Variants in SNX10 observed in about 807,000 individuals in gnomAD.
SNX10 encodes the protein sorting nexin-10.
A neutral mutation model predicts 28.5 loss-of-function variants in SNX10; 25 were observed. The observed-to-expected ratio is 0.88, with a 90% confidence interval of 0.64 to 1.22. SNX10 has a LOEUF of 1.22. Among genes scored for constraint, SNX10 ranks in the 50% most tolerant of loss-of-function variants. The probability of loss-of-function intolerance (pLI) is 0.00; values close to 1 mark genes in which losing one functional copy is unlikely to be tolerated. For missense variants in SNX10, 223 were observed against 242.6 expected (o/e 0.92, Z 0.54); for synonymous variants, 62 against 81.4 (o/e 0.76, Z 1.28).
chr7:26,322,632 C>T (rs10252003), intron 1 of SNX10, among the ~76,000 whole-genome samples: 2,993 of 152,206 alleles, frequency 0.02, 53 homozygotes, highest in African/African-American at 0.048. Context: ...TGCTTATTGG[C>T]GTTGATGTTG....
chr7:26,312,561 G>A (rs960908873), intron 1 of SNX10, among the ~76,000 whole-genome samples: 5 of 152,254 alleles, frequency 3.3e-5, no homozygotes, highest in African/African-American at 9.6e-5. Context: ...CGAGGCTGTC[G>A]GATCACAAGG....
At chr7:26,339,504 T>G (rs1788089399) in intron 1 of SNX10, among the ~76,000 whole-genome samples, 1 of 151,590 alleles carries the variant, frequency 6.6e-6, no homozygotes, top group Non-Finnish European at 1.5e-5. Context: ...TTTTCTTTGT[T>G]TTTGTTTGTT....
intron 1 of SNX10, among the ~76,000 whole-genome samples, chr7:26,313,619 T>TA (rs930806129): frequency 2.0e-5 from 3 of 152,262 alleles, no homozygotes; most frequent in African/African-American, 7.2e-5. Context: ...TGAGTGTGGC[T>TA]AAAGTCTGTC....
At chr7:26,296,225 T>A (rs1227014309) in intron 1 of SNX10, among the ~76,000 whole-genome samples, 1 of 152,168 alleles carries the variant, frequency 6.6e-6, no homozygotes, top group East Asian at 1.9e-4. Flanking sequence ...GTAAGCCATC[T>A]CCTGGCTGAA....
intron 3 of SNX10, among the ~76,000 whole-genome samples, chr7:26,361,923 G>A (rs1789088758): frequency 6.6e-6 from 1 of 152,192 alleles, no homozygotes; most frequent in Non-Finnish European, 1.5e-5. Flanking sequence ...AACTAAATTA[G>A]TTCAACTGGG....
chr7:26,313,678 A>T (rs1252496621), intron 1 of SNX10, among the ~76,000 whole-genome samples: 2 of 152,016 alleles, frequency 1.3e-5, no homozygotes, highest in Non-Finnish European at 2.9e-5. Context: ...GTTTGTCCCC[A>T]CATTCTCTCT....
intron 1 of SNX10, among the ~76,000 whole-genome samples, chr7:26,323,482 A>G (rs911500387): frequency 6.6e-6 from 1 of 151,994 alleles, no homozygotes; most frequent in Non-Finnish European, 1.5e-5. Flanking sequence ...CTCTTTATAT[A>G]AAAAGGGACA....
Position 26,302,079 on chromosome 7 carries a change from A to G in SNX10, c.-24+9993A>G, listed in dbSNP as rs372187522. Among the ~76,000 whole-genome samples, 4 of 152,232 alleles carry G rather than the reference A, an allele frequency of 2.6e-5. No homozygotes were observed. The East Asian group carries it at 7.7e-4, about 29-fold the overall frequency. On this transcript the variant is annotated intron_variant, in intron 1 of 6. Coordinates refer to ENST00000338523, the MANE Select transcript of SNX10 (RefSeq NM_013322.3). ...CCATAGACAACCAGGGCTTTGTAAA[A>G]TACCTCAGAGCATTTTAACTTTGAC...
chr7:26,295,068 T>G (rs1439801252), intron 1 of SNX10, among the ~76,000 whole-genome samples: 1 of 152,252 alleles, frequency 6.6e-6, no homozygotes, highest in Non-Finnish European at 1.5e-5. Flanking sequence ...GTGATTCAAC[T>G]TTACTCAAGG....
chr7:26,356,712 A>G (rs1788835498), intron 2 of SNX10, among the ~76,000 whole-genome samples: 1 of 152,244 alleles, frequency 6.6e-6, no homozygotes, highest in African/African-American at 2.4e-5. Flanking sequence ...GGACTAAGTT[A>G]CTGAAGCTAT....
chr7:26,350,538 C>T (rs990480956), intron 2 of SNX10, among the ~76,000 whole-genome samples: 26 of 152,214 alleles, frequency 1.7e-4, no homozygotes, highest in Admixed American at 1.0e-3. Context: ...TGATGAATAC[C>T]TTTAACAAAT....
At chr7:26,306,806 A>T (rs1443259920) in intron 1 of SNX10, among the ~76,000 whole-genome samples, 1 of 152,244 alleles carries the variant, frequency 6.6e-6, no homozygotes. Context: ...CAGTGACTGC[A>T]GCTGGCACAG....
chr7:26,315,097 C>CA (rs1387244232), intron 1 of SNX10, among the ~76,000 whole-genome samples: 19 of 151,936 alleles, frequency 1.3e-4, no homozygotes, highest in African/African-American at 4.4e-4. Flanking sequence ...AAGAGTCCAC[C>CA]AAAATGAATC....
chr7:26,306,245 A>G (rs1181432638), intron 1 of SNX10, among the ~76,000 whole-genome samples: 2 of 152,038 alleles, frequency 1.3e-5, no homozygotes, highest in African/African-American at 4.8e-5. Flanking sequence ...TGTGTTACTT[A>G]TCTTAGGCTT....
chr7:26,311,347 C>T (rs564086922), intron 1 of SNX10, among the ~76,000 whole-genome samples: 3 of 152,254 alleles, frequency 2.0e-5, no homozygotes, highest in South Asian at 4.1e-4. Flanking sequence ...GAGGGGGTTT[C>T]ACTGTATTGC....
chr7:26,297,128 G>A (rs568952751), intron 1 of SNX10, among the ~76,000 whole-genome samples: 5 of 152,250 alleles, frequency 3.3e-5, no homozygotes. Flanking sequence ...ACGGAGTCTC[G>A]CTCTGTCGCC....
chr7:26,344,859 C>G (rs1453978193), intron 1 of SNX10, among the ~76,000 whole-genome samples: 1 of 152,210 alleles, frequency 6.6e-6, no homozygotes, highest in African/African-American at 2.4e-5. Context: ...ATATTTAGAA[C>G]AGCAGAAATT....
chr7:26,357,327 T>TA (rs372771552), intron 2 of SNX10, among the ~76,000 whole-genome samples: 24,860 of 109,316 alleles, frequency 0.23, 3,777 homozygotes, highest in African/African-American at 0.41. Flanking sequence ...AAGAGAAGAT[T>TA]AAAAAAAAAA....
chr7:26,347,772 C>T (rs997745993), intron 2 of SNX10, among the ~76,000 whole-genome samples: 1 of 152,098 alleles, frequency 6.6e-6, no homozygotes, highest in Non-Finnish European at 1.5e-5. Flanking sequence ...ATCTCTTGAA[C>T]CTGGGAGGTG....
Sources: allele counts gnomAD v4.1 joint callset (sites outside exome capture counted in the v4.1 genomes callset), GRCh38; gene constraint gnomAD v4.1.1; transcripts MANE v1.5; gene names NCBI Gene and HGNC (gene_info 2026-07-23, HGNC 2026-07-21).